Variants in DNAI4 observed in about 807,000 individuals in gnomAD.
The protein encoded by DNAI4 is WD repeat domain 78.
Under a neutral mutation model 105.8 loss-of-function variants are expected in DNAI4, and 85 were observed. The observed-to-expected ratio is 0.80, with a 90% CI of 0.67 to 0.96. DNAI4 has a LOEUF of 0.96. Among genes scored for constraint, DNAI4 ranks in the 40% least tolerant of loss-of-function variants. The pLI is 0.00. For missense variants in DNAI4, 1,014 were observed against 1,005.6 expected (o/e 1.01, Z -0.11); for synonymous variants, 352 against 331.5 (o/e 1.06, Z -0.67).
chr1:66,814,759 A>G (rs1257562702), intron 16 of DNAI4, among the ~76,000 whole-genome samples: 7 of 152,202 alleles, frequency 4.6e-5, no homozygotes, highest in African/African-American at 7.2e-5. Context: ...TTAATGCTTA[A>G]GCCTAAACTT....
At chr1:66,903,053 G>T (rs559934866) in intron 2 of DNAI4, among the ~76,000 whole-genome samples, 2 of 152,136 alleles carry the variant, frequency 1.3e-5, no homozygotes, top group African/African-American at 4.8e-5. Context: ...ATACATTTTA[G>T]GATAGGTTTT....
intron 2 of DNAI4, among the ~76,000 whole-genome samples, chr1:66,895,877 T>G (rs565791078): frequency 1.3e-5 from 2 of 152,348 alleles, no homozygotes; most frequent in South Asian, 4.1e-4. Context: ...CCAATCTTGA[T>G]ATCTTGGCAC....
intron 1 of DNAI4, among the ~76,000 whole-genome samples, chr1:66,924,408 G>A (rs1246610770): frequency 1.3e-5 from 2 of 151,968 alleles, no homozygotes; most frequent in African/African-American, 2.4e-5. Context: ...CTGACCTCAG[G>A]TGATCCACCC....
At position 66,922,466 on chromosome 1, in the gene DNAI4, G is replaced by A. The variant is rs3008857; in HGVS notation, c.170+2196C>T. 3.6e-3 allele frequency among the ~76,000 whole-genome samples: 548 copies of A among 152,292 alleles called. 2 individuals are homozygous for A. The highest frequency in any genetic ancestry group is 0.013 in the African/African-American group (532 of 41,554). On this transcript the variant is annotated intron_variant, in intron 1 of 16. Transcript: ENST00000371026. ...CAACGTGGGATGTAATTAGGCAAGAGGAAGAGTCTATAGTGAGATCCTGTG... is the reference window on the plus strand; with the variant it reads ...CAACGTGGGATGTAATTAGGCAAGAAGAAGAGTCTATAGTGAGATCCTGTG...
At chr1:66,867,835 A>G (rs1646764875) in intron 6 of DNAI4, among the ~76,000 whole-genome samples, 1 of 152,212 alleles carries the variant, frequency 6.6e-6, no homozygotes, top group African/African-American at 2.4e-5. Flanking sequence ...AACTGCCAAA[A>G]CAAACTTGAA....
At chr1:66,913,391 C>T (rs765880235) in intron 1 of DNAI4, among the ~76,000 whole-genome samples, 34 of 152,072 alleles carry the variant, frequency 2.2e-4, no homozygotes, top group Non-Finnish European at 3.1e-4. Context: ...AATCTTAATT[C>T]GGTTTGTCTG....
At chr1:66,893,058 A>AAG (rs1557965220) in intron 3 of DNAI4, among the ~76,000 whole-genome samples, 171 bp downstream of exon 3, 8 of 100,556 alleles carry the variant, frequency 8.0e-5, no homozygotes, top group African/African-American at 2.0e-4. Context: ...AAAGAAAGAG[A>AAG]GAGAGAGAAA....
chr1:66,851,946 A>AAACAAGTC (rs1210804366), intron 7 of DNAI4, among the ~76,000 whole-genome samples: 1 of 152,010 alleles, frequency 6.6e-6, no homozygotes, highest in Admixed American at 6.5e-5. Context: ...ATGAAGTTAG[A>AAACAAGTC]AACAAGTCAG....
intron 4 of DNAI4, among the ~76,000 whole-genome samples, chr1:66,882,862 A>G (rs1397494321): frequency 6.6e-6 from 1 of 152,110 alleles, no homozygotes; most frequent in Non-Finnish European, 1.5e-5. Context: ...ATTGGATTGA[A>G]TCTATACATC....
rs555141770 is a variant in DNAI4, at chr1:66,920,361, G to A, written c.170+4301C>T. Among the ~76,000 whole-genome samples, 28 of 152,138 alleles carry A rather than the reference G, an allele frequency of 1.8e-4. No individual in the cohort carries two copies. In the East Asian group the frequency reaches 5.0e-3, roughly 27 times the overall value. On this transcript the variant is annotated intron_variant, in intron 1 of 16. Transcript: ENST00000371026. ...CATTTACCAGCTTCAACTCTCATGCGACCTCATTCCTCCTGGACACTGGAC... is the reference window on the plus strand; with the variant it reads ...CATTTACCAGCTTCAACTCTCATGCAACCTCATTCCTCCTGGACACTGGAC...
rs1048070837 is a variant in DNAI4 at position 66,890,709 on chromosome 1, AG to A, written c.643+444del. 3 of 215,666 alleles carry A rather than the reference AG, an allele frequency of 1.4e-5. No homozygotes were observed. The highest frequency in any genetic ancestry group is 6.2e-5 in the South Asian group (1 of 16,242). 13.4% of individuals were successfully genotyped at this position (215,666 alleles called of 1,614,324 possible). On this transcript the variant is annotated intron_variant, in intron 4 of 16. Coordinates refer to ENST00000371026, the MANE Select transcript of DNAI4 (RefSeq NM_024763.5). The surrounding 1 kb of genome is among the most constrained non-coding windows in gnomAD (Gnocchi z 4.1). Reference sequence around the variant, plus strand: ...GAAGAGGAAGAAGAAGAAGGAGAGGAGGGGGAGGAGGAGGAGGGAGAGGAAG... The same window carrying A: ...GAAGAGGAAGAAGAAGAAGGAGAGGAGGGGAGGAGGAGGAGGGAGAGGAAG...
chr1:66,905,918 C>CTTTTTT (rs34206774), intron 1 of DNAI4, among the ~76,000 whole-genome samples: 53 of 96,382 alleles, frequency 5.5e-4, no homozygotes, highest in South Asian at 7.6e-4. Context: ...TTATATACTA[C>CTTTTTT]TTTTTTTTTT....
chr1:66,835,189 T>TAGAC (rs144792255), intron 11 of DNAI4, among the ~76,000 whole-genome samples: 28,900 of 122,376 alleles, frequency 0.24, 2,840 homozygotes, highest in Non-Finnish European at 0.27. Context: ...ATACCCTCCT[T>TAGAC]AGACAGATAG....
At chr1:66,905,873 A>G (rs1239081517) in intron 1 of DNAI4, among the ~76,000 whole-genome samples, 1 of 152,096 alleles carries the variant, frequency 6.6e-6, no homozygotes, top group Non-Finnish European at 1.5e-5. Flanking sequence ...CATGATTAAT[A>G]AAGCCTGAGA....
chr1:66,907,859 C>T (rs1649375377), intron 1 of DNAI4, among the ~76,000 whole-genome samples: 1 of 152,156 alleles, frequency 6.6e-6, no homozygotes, highest in Non-Finnish European at 1.5e-5. Context: ...TCAGCATTTC[C>T]TATTTTTCCA....
At chr1:66,872,632 C>A (rs1181011617) in intron 5 of DNAI4, among the ~76,000 whole-genome samples, 2 of 152,078 alleles carry the variant, frequency 1.3e-5, no homozygotes, top group Non-Finnish European at 2.9e-5. Flanking sequence ...AATTGTTCCT[C>A]TGTAGGTGAC....
At position 66,822,380 on chromosome 1, in the gene DNAI4, G is replaced by GCT. The variant is rs754415129; in HGVS notation, c.2476_2477insAG (p.Thr826LysfsTer11). The GCT allele has an allele frequency of 4.4e-6, 7 of 1,606,702 alleles. No homozygotes were observed. Among genetic ancestry groups the GCT allele is most frequent in the Non-Finnish European group, 5.1e-6 (6 of 1,177,808 alleles). On this transcript the variant is annotated frameshift_variant, in exon 16 of 17. Coordinates refer to ENST00000371026, the MANE Select transcript of DNAI4 (RefSeq NM_024763.5). LOFTEE classifies it high-confidence loss of function. Reference sequence around the variant, plus strand: ...TCTTACCCGGCCAGTTTCCAAAACAGTAGGCATATTTCTCAGTTCATACAC... The same window carrying GCT: ...TCTTACCCGGCCAGTTTCCAAAACAGCTTAGGCATATTTCTCAGTTCATACAC...
chr1:66,916,083 T>A (rs1402242060), intron 1 of DNAI4, among the ~76,000 whole-genome samples: 44 of 117,446 alleles, frequency 3.7e-4, no homozygotes, highest in African/African-American at 3.9e-4. Context: ...AGACTCTGTC[T>A]AAAAAAAAAA....
intron 1 of DNAI4, among the ~76,000 whole-genome samples, chr1:66,922,849 G>A (rs1380148204): frequency 1.3e-5 from 2 of 152,200 alleles, no homozygotes; most frequent in Non-Finnish European, 2.9e-5. Flanking sequence ...ACTTATAAGT[G>A]CAGGTGTTTT....
Sources: gnomAD v4.1 joint callset for allele counts (sites outside exome capture counted in the v4.1 genomes callset) on GRCh38, gnomAD v4.1.1 for gene constraint, Gnocchi (gnomAD v3.1) non-coding constraint, MANE v1.5 for transcripts, NCBI Gene and HGNC (gene_info 2026-07-23, HGNC 2026-07-21) for gene names.